The following XIRP2 variants were observed in gnomAD, a reference collection of about 807,000 sequenced individuals.
XIRP2 encodes the protein xin actin binding repeat containing 2, also known as xin actin-binding repeat-containing protein 2.
Under a neutral mutation model 277.0 loss-of-function variants are expected in XIRP2, and 236 were observed. The ratio of observed to expected loss-of-function variants is 0.85; its 90% confidence interval spans 0.77 to 0.95. The LOEUF is 0.95. Ranked by LOEUF, XIRP2 falls within the 40% of genes least tolerant of loss-of-function variation. The pLI is 0.00. For synonymous variants in XIRP2, 1,490 were observed against 1,416.5 expected, an observed-to-expected ratio of 1.05 and a Z score of -1.17; for missense variants, 4,640 against 4,157.5, an observed-to-expected ratio of 1.12 and a Z score of -3.19.
chr2:167,183,264 G>C (rs1409523411), intron 3 of XIRP2, among the ~76,000 whole-genome samples: 3 of 152,186 alleles, frequency 2.0e-5, no homozygotes, highest in Admixed American at 6.6e-5. Context: ...AAAGCAAGCT[G>C]TAGTAATGGG....
chr2:166,941,085 G>C (rs532350611), intron 2 of XIRP2, among the ~76,000 whole-genome samples: 45 of 152,240 alleles, frequency 3.0e-4, no homozygotes, highest in African/African-American at 1.0e-3. Context: ...AGCTGTGGTG[G>C]GCTCCACTCA....
At chr2:167,152,747 AT>A (rs1558998644) in intron 3 of XIRP2, among the ~76,000 whole-genome samples, 1 of 152,078 alleles carries the variant, frequency 6.6e-6, no homozygotes, top group Non-Finnish European at 1.5e-5. Flanking sequence ...AGTCATTATA[AT>A]AAGGGAACAG....
chr2:167,052,331 G>T (rs1465741417), intron 2 of XIRP2, among the ~76,000 whole-genome samples: 1 of 151,868 alleles, frequency 6.6e-6, no homozygotes, highest in African/African-American at 2.4e-5. Flanking sequence ...GGGGAAAGAT[G>T]GTACCTAAAT....
At chr2:167,207,612 A>G (rs2105385350) in intron 3 of XIRP2, among the ~76,000 whole-genome samples, 1 of 152,330 alleles carries the variant, frequency 6.6e-6, no homozygotes, top group African/African-American at 2.4e-5. Flanking sequence ...TAGCCTGGTC[A>G]AATTTTATTA....
chr2:167,194,042 T>C (rs1421855786), intron 3 of XIRP2, among the ~76,000 whole-genome samples: 2 of 151,994 alleles, frequency 1.3e-5, no homozygotes, highest in African/African-American at 4.8e-5. Flanking sequence ...GGGGTTGATA[T>C]ATAAATTTTC....
At chr2:167,082,692 G>A (rs1558972690) in intron 2 of XIRP2, among the ~76,000 whole-genome samples, 1 of 151,954 alleles carries the variant, frequency 6.6e-6, no homozygotes, top group Non-Finnish European at 1.5e-5. Flanking sequence ...TTCTCTGATG[G>A]CCACTGATGA....
At chr2:167,127,214 A>G (rs1255616113) in intron 2 of XIRP2, among the ~76,000 whole-genome samples, 1 of 152,174 alleles carries the variant, frequency 6.6e-6, no homozygotes, top group Admixed American at 6.5e-5. Context: ...TTCCTGTGTC[A>G]GCCACAAATA....
At position 167,258,747 on chromosome 2, in the gene XIRP2, TAC is replaced by T; in HGVS notation, c.*931_*932del. ...TCTATTTTAGAATTTCTTGATCTAT[TAC>T]CCTTGTCGAGTGAAGCAAATGACAC... On this transcript the variant is annotated 3_prime_UTR_variant, in exon 11 of 11. Coordinates refer to ENST00000409195, the MANE Select transcript of XIRP2 (RefSeq NM_152381.6). 6.2e-7 allele frequency: 1 copy of T among 1,613,386 alleles called. No individual in the cohort carries two copies. The highest frequency in any genetic ancestry group is 8.5e-7 in the Non-Finnish European group (1 of 1,179,622).
intron 2 of XIRP2, among the ~76,000 whole-genome samples, chr2:167,045,324 A>G (rs1230413893): frequency 1.3e-5 from 2 of 152,104 alleles, no homozygotes; most frequent in Non-Finnish European, 2.9e-5. Context: ...AGAAAATACC[A>G]TTCTGGATAT....
Position 167,243,529 on chromosome 2 carries a change from G to A in XIRP2, c.2137G>A (p.Val713Ile), listed in dbSNP as rs1407210638. ...TGGACAGCTTCATTCAGTGGATGAG[G>A]TTCATTTACTGCAGCTTAGGTCTGA... ...QLGQLHSVDE[V>I]HLLQLRSELK... Residue 713 changes from valine (V) to isoleucine (I), a missense_variant, in exon 9 of 11, where the codon GTT (valine) becomes ATT (isoleucine). By Grantham distance (29) the Val-to-Ile change is conservative. Coordinates refer to ENST00000409195, the MANE Select transcript of XIRP2 (RefSeq NM_152381.6). 2 of 1,614,020 alleles carry A rather than the reference G, an allele frequency of 1.2e-6. No individual in the cohort carries two copies. The highest frequency in any genetic ancestry group is 2.2e-5 in the East Asian group (1 of 44,866).
Position 167,239,966 on chromosome 2 carries a change from G to A in XIRP2, c.969+1G>A. On this transcript the variant is annotated splice_donor_variant, in intron 6 of 10. Transcript: ENST00000409195. LOFTEE classifies it high-confidence loss of function. Reference sequence around the variant, plus strand: ...AATTGATGTTCATGGAACAGAAATGGTAACTATTTAGAAAGGCAGTACTTT... The same window carrying A: ...AATTGATGTTCATGGAACAGAAATGATAACTATTTAGAAAGGCAGTACTTT... 6.3e-7 allele frequency: 1 copy of A among 1,589,762 alleles called. No homozygotes were observed. Among genetic ancestry groups the A allele is most frequent in the Non-Finnish European group, 8.5e-7 (1 of 1,173,242 alleles).
At chr2:167,008,785 C>A (rs1574156655) in intron 2 of XIRP2, among the ~76,000 whole-genome samples, 1 of 151,278 alleles carries the variant, frequency 6.6e-6, no homozygotes, top group East Asian at 1.9e-4. Flanking sequence ...AATGTAATAT[C>A]CATTCAAAAC....
chr2:167,020,054 G>T (rs1431703083), intron 2 of XIRP2, among the ~76,000 whole-genome samples: 2 of 151,968 alleles, frequency 1.3e-5, no homozygotes, highest in African/African-American at 4.8e-5. Context: ...GCATAATGAA[G>T]ACCATAATCA....
intron 2 of XIRP2, among the ~76,000 whole-genome samples, chr2:167,130,081 T>C (rs1691330131): frequency 6.6e-6 from 1 of 151,922 alleles, no homozygotes; most frequent in African/African-American, 2.4e-5. Flanking sequence ...AGCAATGACT[T>C]CTCTACCCTC....
At chr2:167,164,015 C>G (rs1559003380) in intron 3 of XIRP2, among the ~76,000 whole-genome samples, 1 of 152,130 alleles carries the variant, frequency 6.6e-6, no homozygotes, top group Non-Finnish European at 1.5e-5. Context: ...ATCACATTGT[C>G]TTGGTTACTA....
chr2:167,077,969 T>G (rs1689619081), intron 2 of XIRP2, among the ~76,000 whole-genome samples: 2 of 152,234 alleles, frequency 1.3e-5, no homozygotes, highest in African/African-American at 2.4e-5. Flanking sequence ...CTTTTGTTTT[T>G]GATTGCGTAT....
intron 2 of XIRP2, among the ~76,000 whole-genome samples, chr2:167,110,519 T>C (rs1406477568): frequency 2.0e-5 from 3 of 152,202 alleles, no homozygotes; most frequent in Non-Finnish European, 4.4e-5. Flanking sequence ...TTCTGTTCCA[T>C]TAGTCTATGT....
In XIRP2 at chr2:167,243,746, A is replaced by G; in HGVS notation, c.2354A>G (p.Asp785Gly). Residue 785 changes from aspartate (D) to glycine (G), a missense_variant, in exon 9 of 11, where the codon GAT becomes GGT. By Grantham distance (94) the Asp-to-Gly change is moderately conservative. Transcript: ENST00000409195. Reference protein sequence around the residue: ...ETQPLDTINKDITEIKVVRGI... With the variant: ...ETQPLDTINKGITEIKVVRGI... Reference sequence around the variant, plus strand: ...CAGCCGTTGGACACAATTAACAAAGATATCACAGAAATTAAAGTTGTCCGA... The same window carrying G: ...CAGCCGTTGGACACAATTAACAAAGGTATCACAGAAATTAAAGTTGTCCGA... 6.2e-7 allele frequency: 1 copy of G among 1,614,120 alleles called. No homozygotes were observed.
intron 2 of XIRP2, among the ~76,000 whole-genome samples, chr2:166,905,894 AC>A (rs1684503171): frequency 6.6e-6 from 1 of 151,954 alleles, no homozygotes; most frequent in Admixed American, 6.6e-5. Context: ...TATATATTTC[AC>A]CCCATAGCAT....
Sources: gnomAD v4.1 joint callset for allele counts (sites outside exome capture counted in the v4.1 genomes callset) on GRCh38, gnomAD v4.1.1 for gene constraint, MANE v1.5 for transcripts, NCBI Gene and HGNC (gene_info 2026-07-23, HGNC 2026-07-21) for gene names.